The following MAGI2 variants were observed in gnomAD, a reference collection of about 807,000 sequenced individuals.
MAGI2 encodes membrane-associated guanylate kinase, WW and PDZ domain-containing protein 2.
In MAGI2, 35 loss-of-function variants were observed where a neutral mutation model predicts 133.3. The observed-to-expected ratio is 0.26, with a 90% CI of 0.20 to 0.35. The LOEUF (loss-of-function observed/expected upper bound fraction) is 0.35. MAGI2 is among the 10% of genes least tolerant of loss of function. The probability of loss-of-function intolerance (pLI) is 1.00; values close to 1 mark genes in which losing one functional copy is unlikely to be tolerated. For synonymous variants in MAGI2, 729 were observed against 710.6 expected (o/e 1.03, Z -0.41); for missense variants, 1,636 against 1,863.4 (o/e 0.88, Z 2.25).
At chr7:78,129,222 A>G (rs1208802790) in intron 18 of MAGI2, among the ~76,000 whole-genome samples, 1 of 152,184 alleles carries the variant, frequency 6.6e-6, no homozygotes. Context: ...GAAACTTTCA[A>G]AACTCTCATC....
At chr7:78,474,852 C>T (rs1209634978) in intron 6 of MAGI2, among the ~76,000 whole-genome samples, 1 of 151,506 alleles carries the variant, frequency 6.6e-6, no homozygotes, top group Non-Finnish European at 1.5e-5. Flanking sequence ...AAAACGTGCT[C>T]TCACAAACAT....
At chr7:79,130,307 C>G (rs1232248142) in intron 1 of MAGI2, among the ~76,000 whole-genome samples, 1 of 152,106 alleles carries the variant, frequency 6.6e-6, no homozygotes, top group East Asian at 1.9e-4. Flanking sequence ...GAGTGAGACC[C>G]TGTCTCTAAA....
At chr7:78,892,258 T>G (rs1030191438) in intron 2 of MAGI2, among the ~76,000 whole-genome samples, 7 of 152,212 alleles carry the variant, frequency 4.6e-5, no homozygotes, top group African/African-American at 1.7e-4. Context: ...GAACATTCCA[T>G]GCTCATGGGT....
intron 6 of MAGI2, among the ~76,000 whole-genome samples, chr7:78,391,089 T>A (rs1324582538): frequency 2.6e-5 from 4 of 152,216 alleles, no homozygotes; most frequent in African/African-American, 7.2e-5. Context: ...TTGGCCCCTG[T>A]ATTCAACAGC....
intron 9 of MAGI2, among the ~76,000 whole-genome samples, chr7:78,281,119 T>C (rs1311951722): frequency 6.6e-6 from 1 of 152,180 alleles, no homozygotes; most frequent in African/African-American, 2.4e-5. Flanking sequence ...CTCTTCAGTC[T>C]ACATTTTTAG....
intron 1 of MAGI2, among the ~76,000 whole-genome samples, chr7:79,174,574 G>T (rs1259826123): frequency 1.3e-5 from 2 of 151,594 alleles, no homozygotes; most frequent in Non-Finnish European, 2.9e-5. Context: ...TTTTTAAGCT[G>T]GGTGCAGTGG....
intron 2 of MAGI2, among the ~76,000 whole-genome samples, chr7:78,986,398 G>T (rs919566284): frequency 6.6e-6 from 1 of 151,928 alleles, no homozygotes; most frequent in Admixed American, 6.6e-5. Context: ...GATTTCATCT[G>T]TTTGAAATAC....
At chr7:78,652,748 CA>C (rs1380695423) in intron 2 of MAGI2, among the ~76,000 whole-genome samples, 4 of 152,034 alleles carry the variant, frequency 2.6e-5, no homozygotes, top group African/African-American at 4.8e-5. Flanking sequence ...GATAAAACAC[CA>C]AAAGCAATAG....
At chr7:78,369,594 T>G (rs1793720693) in intron 6 of MAGI2, among the ~76,000 whole-genome samples, 1 of 152,112 alleles carries the variant, frequency 6.6e-6, no homozygotes, top group South Asian at 2.1e-4. Context: ...AAAGACCACA[T>G]TTTCAAAATA....
At chr7:78,964,892 C>G (rs1803172289) in intron 2 of MAGI2, among the ~76,000 whole-genome samples, 1 of 151,936 alleles carries the variant, frequency 6.6e-6, no homozygotes, top group South Asian at 2.1e-4. Flanking sequence ...CATACAGTCT[C>G]TCAAGTCTTC....
intron 2 of MAGI2, among the ~76,000 whole-genome samples, chr7:78,852,099 TA>T (rs1425830981): frequency 6.6e-6 from 1 of 152,130 alleles, no homozygotes; most frequent in East Asian, 1.9e-4. Flanking sequence ...AAACTGTTTA[TA>T]TTATTGGGGG....
At chr7:79,352,645 T>A (rs1841767615) in intron 1 of MAGI2, among the ~76,000 whole-genome samples, 1 of 152,216 alleles carries the variant, frequency 6.6e-6, no homozygotes, top group Non-Finnish European at 1.5e-5. Context: ...CAACATATAA[T>A]GTCAGGTAGA....
At chr7:78,306,947 C>G (rs1263308933) in intron 9 of MAGI2, among the ~76,000 whole-genome samples, 1 of 152,092 alleles carries the variant, frequency 6.6e-6, no homozygotes, top group East Asian at 1.9e-4. Context: ...ACGCATATGT[C>G]CAATTCAGGT....
At chr7:78,839,025 A>C (rs1791897474) in intron 2 of MAGI2, among the ~76,000 whole-genome samples, 1 of 152,048 alleles carries the variant, frequency 6.6e-6, no homozygotes, top group East Asian at 1.9e-4. Flanking sequence ...AAAGTTGTGA[A>C]TGAAAGTAAG....
intron 1 of MAGI2, among the ~76,000 whole-genome samples, chr7:79,322,543 T>C (rs1839268046): frequency 6.6e-6 from 1 of 152,034 alleles, no homozygotes; most frequent in Non-Finnish European, 1.5e-5. Context: ...CTTAGCACTT[T>C]GGGAGGCCAA....
intron 2 of MAGI2, among the ~76,000 whole-genome samples, chr7:78,655,787 C>T (rs1347671443): frequency 6.6e-6 from 1 of 151,950 alleles, no homozygotes; most frequent in African/African-American, 2.4e-5. Context: ...CGAGACCATC[C>T]TGGCTAACAC....
At chr7:79,432,745 T>C (rs1409638730) in intron 1 of MAGI2, among the ~76,000 whole-genome samples, 2 of 152,196 alleles carry the variant, frequency 1.3e-5, no homozygotes, top group Non-Finnish European at 1.5e-5. Flanking sequence ...TCTATTCCCC[T>C]GTCAGAAAAT....
intron 2 of MAGI2, among the ~76,000 whole-genome samples, chr7:78,863,569 G>A (rs1794323495): frequency 6.6e-6 from 1 of 152,224 alleles, no homozygotes; most frequent in Non-Finnish European, 1.5e-5. Flanking sequence ...CCAAATGCCT[G>A]CCATTAGGCC....
chr7:78,629,373 T>G (rs532434341), intron 2 of MAGI2, among the ~76,000 whole-genome samples: 21 of 152,268 alleles, frequency 1.4e-4, no homozygotes, highest in Non-Finnish European at 2.5e-4. Context: ...AACCTCCATC[T>G]TTGACATCAG....
Sources: gnomAD v4.1 joint callset for allele counts (sites outside exome capture counted in the v4.1 genomes callset) on GRCh38, gnomAD v4.1.1 for gene constraint, MANE v1.5 for transcripts, NCBI Gene and HGNC (gene_info 2026-07-23, HGNC 2026-07-21) for gene names.